The following RBFOX1 variants were observed in gnomAD, a reference collection of about 807,000 sequenced individuals.
RBFOX1 encodes the protein RNA binding fox-1 homolog 1.
A neutral mutation model predicts 57.7 loss-of-function variants in RBFOX1; 8 were observed. The ratio of observed to expected loss-of-function variants is 0.14; its 90% CI spans 0.08 to 0.25. The LOEUF (loss-of-function observed/expected upper bound fraction) is 0.25. RBFOX1 is among the 10% of genes least tolerant of loss of function. The pLI is 1.00. For synonymous variants in RBFOX1, 326 were observed against 222.4 expected, an observed-to-expected ratio of 1.47 and a Z score of -4.15; for missense variants, 611 against 548.5, an observed-to-expected ratio of 1.11 and a Z score of -1.14.
At chr16:5,287,627 G>C (rs1305791085) in intron 1 of RBFOX1, among the ~76,000 whole-genome samples, 1 of 152,242 alleles carries the variant, frequency 6.6e-6, no homozygotes, top group African/African-American at 2.4e-5. Flanking sequence ...AGCATGTCTG[G>C]GAAGCTCTAC....
chr16:6,143,300 C>T (rs1270163896), intron 1 of RBFOX1, among the ~76,000 whole-genome samples: 1 of 152,166 alleles, frequency 6.6e-6, no homozygotes, highest in Non-Finnish European at 1.5e-5. Context: ...TTAATGAAAA[C>T]ATATTCTTAG....
intron 4 of RBFOX1, among the ~76,000 whole-genome samples, chr16:7,065,435 C>G (rs937971704): frequency 6.6e-6 from 1 of 152,160 alleles, no homozygotes; most frequent in Non-Finnish European, 1.5e-5. Context: ...TCCACATGCT[C>G]CATGGTTTTG....
intron 1 of RBFOX1, among the ~76,000 whole-genome samples, chr16:6,237,311 T>C (rs60189512): frequency 0.2 from 29,893 of 152,146 alleles, 3,627 homozygotes; most frequent in African/African-American, 0.34. Flanking sequence ...TACTTTTCCC[T>C]GTGGAAGAAG....
intron 3 of RBFOX1, among the ~76,000 whole-genome samples, chr16:5,620,737 G>A (rs1484743040): frequency 6.6e-6 from 1 of 152,140 alleles, no homozygotes; most frequent in Non-Finnish European, 1.5e-5. Context: ...AGAGAGCAGT[G>A]GCAGGATCAT....
chr16:5,749,663 G>A (rs1208931148), intron 3 of RBFOX1, among the ~76,000 whole-genome samples: 1 of 152,122 alleles, frequency 6.6e-6, no homozygotes, highest in African/African-American at 2.4e-5. Context: ...CGAATCGGCT[G>A]CTGAAGCTTA....
chr16:6,467,221 TAAA>T (rs2095070073), intron 2 of RBFOX1, among the ~76,000 whole-genome samples: 1 of 151,370 alleles, frequency 6.6e-6, no homozygotes, highest in Admixed American at 6.6e-5. Context: ...TGTAATATAA[TAAA>T]GTTTTCTTAA....
chr16:6,024,294 G>A (rs112024259), intron 1 of RBFOX1, among the ~76,000 whole-genome samples: 1 of 152,102 alleles, frequency 6.6e-6, no homozygotes, highest in African/African-American at 2.4e-5. Flanking sequence ...TTATATTGTC[G>A]TGGGGGAAGC....
chr16:6,925,577 T>C (rs970997547), intron 3 of RBFOX1, among the ~76,000 whole-genome samples: 3 of 151,994 alleles, frequency 2.0e-5, no homozygotes, highest in Non-Finnish European at 4.4e-5. Flanking sequence ...GCATTAAGAC[T>C]AGTTGGTGGC....
intron 4 of RBFOX1, among the ~76,000 whole-genome samples, chr16:7,158,156 G>T (rs1294392569): frequency 6.6e-6 from 1 of 152,102 alleles, no homozygotes; most frequent in Non-Finnish European, 1.5e-5. Flanking sequence ...AGAACAGCCT[G>T]GCCAACATGG....
intron 1 of RBFOX1, among the ~76,000 whole-genome samples, chr16:5,418,703 C>G (rs184681334): frequency 2.4e-4 from 37 of 152,272 alleles, no homozygotes; most frequent in Admixed American, 2.2e-3. Flanking sequence ...TTTCATTCGA[C>G]TCCCTCTCCC....
At chr16:6,869,937 C>G (rs547231053) in intron 3 of RBFOX1, among the ~76,000 whole-genome samples, 15 of 152,276 alleles carry the variant, frequency 9.9e-5, no homozygotes, top group African/African-American at 2.9e-4. Context: ...ATCTCAGCGT[C>G]TTGGGGACTG....
chr16:7,131,675 A>T (rs748171644), intron 4 of RBFOX1, among the ~76,000 whole-genome samples: 1 of 151,874 alleles, frequency 6.6e-6, no homozygotes, highest in Non-Finnish European at 1.5e-5. Flanking sequence ...CATAAAGTCA[A>T]TATTGTCTTT....
At chr16:7,334,331 G>A (rs1452207292) in intron 4 of RBFOX1, among the ~76,000 whole-genome samples, 1 of 152,056 alleles carries the variant, frequency 6.6e-6, no homozygotes, top group African/African-American at 2.4e-5. Flanking sequence ...AACTTGTTGC[G>A]TCTTCCCTGG....
At chr16:6,035,168 A>G (rs1167479876) in intron 1 of RBFOX1, among the ~76,000 whole-genome samples, 1 of 152,192 alleles carries the variant, frequency 6.6e-6, no homozygotes, top group Admixed American at 6.5e-5. Flanking sequence ...ATTTTGCCAA[A>G]CGTCCCTGGG....
chr16:6,556,933 G>A (rs1333972072), intron 2 of RBFOX1, among the ~76,000 whole-genome samples: 2 of 150,154 alleles, frequency 1.3e-5, no homozygotes, highest in East Asian at 3.9e-4. Context: ...GTCATCCATT[G>A]CTGAGCCATG....
At position 5,387,568 on chromosome 16, in the gene RBFOX1, A is replaced by C. The variant is rs1381851320; in HGVS notation, c.220-79648A>C. 2.0e-5 allele frequency among the ~76,000 whole-genome samples: 3 copies of C among 152,192 alleles called. No homozygotes were observed. The East Asian group carries it at 5.8e-4, about 29-fold the overall frequency. ...TAAAGGGAATTCCTGATATTATATA[A>C]GTGCTTGGATTTATATTGCATTGAC... is the stretch of plus-strand genomic sequence containing the variant. On this transcript the variant is annotated intron_variant, in intron 1 of 2. Coordinates refer to the RBFOX1 transcript ENST00000585867.
intron 4 of RBFOX1, among the ~76,000 whole-genome samples, chr16:7,411,637 C>G (rs1368347275): frequency 6.6e-6 from 1 of 152,178 alleles, no homozygotes; most frequent in Non-Finnish European, 1.5e-5. Context: ...GGCGTGGTGG[C>G]TCACACCTGT....
At chr16:6,339,403 C>G (rs2084211465) in intron 2 of RBFOX1, among the ~76,000 whole-genome samples, 1 of 152,228 alleles carries the variant, frequency 6.6e-6, no homozygotes, top group Non-Finnish European at 1.5e-5. Context: ...AATTATGGGG[C>G]TGCTGAACGA....
At chr16:5,491,614 C>G (rs1187202284) in intron 2 of RBFOX1, among the ~76,000 whole-genome samples, 1 of 152,110 alleles carries the variant, frequency 6.6e-6, no homozygotes, top group Admixed American at 6.6e-5. Context: ...CTGATGAATC[C>G]TCAGTGATTT....
Sources: gnomAD v4.1 joint callset for allele counts (sites outside exome capture counted in the v4.1 genomes callset) on GRCh38, gnomAD v4.1.1 for gene constraint, MANE v1.5 for transcripts, NCBI Gene and HGNC (gene_info 2026-07-23, HGNC 2026-07-21) for gene names.